FSTL5: variants seen among roughly 807,000 people sequenced by gnomAD.
The protein encoded by FSTL5 is follistatin like 5, also known as follistatin-related protein 5.
Under a neutral mutation model 89.1 loss-of-function variants are expected in FSTL5, and 62 were observed. The observed-to-expected ratio is 0.70, with a 90% CI of 0.57 to 0.86. FSTL5 has a LOEUF of 0.86. Among genes scored for constraint, FSTL5 ranks in the 40% least tolerant of loss-of-function variants. FSTL5 has a pLI of 0.00. For missense variants in FSTL5, 1,057 were observed against 1,001.6 expected, an observed-to-expected ratio of 1.06 and a Z score of -0.75; for synonymous variants, 383 against 346.2, an observed-to-expected ratio of 1.11 and a Z score of -1.18.
At chr4:161,501,500 T>C (rs1467458497) in intron 11 of FSTL5, among the ~76,000 whole-genome samples, 1 of 152,010 alleles carries the variant, frequency 6.6e-6, no homozygotes, top group Non-Finnish European at 1.5e-5. Context: ...ATAGTGTGCA[T>C]ACAATTTTTC....
chr4:161,717,262 A>G (rs1739019902), intron 6 of FSTL5, among the ~76,000 whole-genome samples: 1 of 152,148 alleles, frequency 6.6e-6, no homozygotes, highest in African/African-American at 2.4e-5. Flanking sequence ...TCCTGAGCAA[A>G]TATTTAGACT....
At chr4:161,534,822 A>G (rs1367177273) in intron 10 of FSTL5, among the ~76,000 whole-genome samples, 1 of 152,144 alleles carries the variant, frequency 6.6e-6, no homozygotes, top group African/African-American at 2.4e-5. Context: ...ACTTCACACT[A>G]TACTACAGGG....
intron 6 of FSTL5, among the ~76,000 whole-genome samples, chr4:161,747,605 G>A (rs1198386357): frequency 6.6e-6 from 1 of 152,144 alleles, no homozygotes; most frequent in Non-Finnish European, 1.5e-5. Context: ...GATGCTATTT[G>A]TTTGTCCCAT....
intron 2 of FSTL5, among the ~76,000 whole-genome samples, chr4:162,099,751 A>C (rs1730913444): frequency 6.6e-6 from 1 of 152,246 alleles, no homozygotes; most frequent in African/African-American, 2.4e-5. Flanking sequence ...ACCCAATTAT[A>C]AAATGGGCAA....
chr4:161,399,722 CAAA>C (rs1731123019), intron 15 of FSTL5, among the ~76,000 whole-genome samples: 1 of 152,034 alleles, frequency 6.6e-6, no homozygotes, highest in Non-Finnish European at 1.5e-5. Flanking sequence ...TACTGTGATA[CAAA>C]ATTTAATAGA....
At chr4:161,871,665 G>C (rs762245617) in intron 4 of FSTL5, among the ~76,000 whole-genome samples, 16 of 152,102 alleles carry the variant, frequency 1.1e-4, no homozygotes, top group Non-Finnish European at 2.2e-4. Flanking sequence ...ATGCTTGTTT[G>C]ATCAAAGGCT....
chr4:161,709,548 C>T (rs975273326), intron 6 of FSTL5, among the ~76,000 whole-genome samples: 2 of 152,072 alleles, frequency 1.3e-5, no homozygotes, highest in Non-Finnish European at 2.9e-5. Flanking sequence ...CAACTATAAT[C>T]TCAGCATTTT....
intron 4 of FSTL5, among the ~76,000 whole-genome samples, chr4:161,844,234 C>T (rs1731299386): frequency 6.6e-6 from 1 of 151,746 alleles, no homozygotes; most frequent in Admixed American, 6.6e-5. Context: ...ATCAAAATGT[C>T]ATACAATCTC....
chr4:161,959,565 C>G (rs969115369), intron 3 of FSTL5, among the ~76,000 whole-genome samples: 13 of 151,986 alleles, frequency 8.6e-5, no homozygotes, highest in African/African-American at 3.1e-4. Flanking sequence ...GATAGCAGGA[C>G]ATTTAGTCAT....
chr4:162,140,000 C>T (rs1561040751), intron 1 of FSTL5, among the ~76,000 whole-genome samples: 3 of 151,882 alleles, frequency 2.0e-5, no homozygotes, highest in African/African-American at 2.4e-5. Flanking sequence ...AAAAAGAAAA[C>T]GGTAAAAGAA....
intron 4 of FSTL5, among the ~76,000 whole-genome samples, chr4:161,798,228 C>A (rs1024089690): frequency 2.6e-5 from 4 of 151,672 alleles, no homozygotes; most frequent in African/African-American, 9.7e-5. Context: ...ATCTATGCTA[C>A]TTTCCAGCTT....
chr4:161,714,690 A>C (rs1193030786), intron 6 of FSTL5, among the ~76,000 whole-genome samples: 1 of 152,218 alleles, frequency 6.6e-6, no homozygotes, highest in African/African-American at 2.4e-5. Context: ...AGAAGCAAAC[A>C]GAAAAATACC....
chr4:161,853,514 T>C (rs1731626515), intron 4 of FSTL5, among the ~76,000 whole-genome samples: 1 of 151,762 alleles, frequency 6.6e-6, no homozygotes. Flanking sequence ...GTGATACACC[T>C]GCCTCGGCCT....
At chr4:161,998,856 C>T (rs938497783) in intron 3 of FSTL5, among the ~76,000 whole-genome samples, 2 of 80,714 alleles carry the variant, frequency 2.5e-5, no homozygotes, top group African/African-American at 5.2e-5. Flanking sequence ...AACACACACA[C>T]AACACACACA....
At chr4:161,647,332 G>T (rs1208145108) in intron 7 of FSTL5, among the ~76,000 whole-genome samples, 1 of 152,058 alleles carries the variant, frequency 6.6e-6, no homozygotes, top group Non-Finnish European at 1.5e-5. Flanking sequence ...CGTGTATATT[G>T]TTCCATAGGT....
intron 10 of FSTL5, among the ~76,000 whole-genome samples, chr4:161,511,290 G>A (rs1730644131): frequency 6.6e-6 from 1 of 152,040 alleles, no homozygotes; most frequent in Non-Finnish European, 1.5e-5. Context: ...ATGTTTTAGA[G>A]CCAAGAATGA....
At chr4:161,481,692 A>G (rs1183579011) in intron 12 of FSTL5, among the ~76,000 whole-genome samples, 4 of 152,312 alleles carry the variant, frequency 2.6e-5, no homozygotes, top group Non-Finnish European at 5.9e-5. Context: ...CACAATGGTT[A>G]TTTTATTTTT....
chr4:161,695,065 T>A (rs1422481825), intron 6 of FSTL5, among the ~76,000 whole-genome samples: 1 of 152,120 alleles, frequency 6.6e-6, no homozygotes, highest in Non-Finnish European at 1.5e-5. Context: ...TTTCTTTTTC[T>A]GTATTTCCAT....
intron 12 of FSTL5, among the ~76,000 whole-genome samples, chr4:161,498,266 T>C (rs931081167): frequency 3.3e-5 from 5 of 152,110 alleles, no homozygotes; most frequent in Non-Finnish European, 7.4e-5. Context: ...AGGTAAATAA[T>C]GCTCACATCC....
Sources: gnomAD v4.1 joint callset for allele counts (sites outside exome capture counted in the v4.1 genomes callset) on GRCh38, gnomAD v4.1.1 for gene constraint, MANE v1.5 for transcripts, NCBI Gene and HGNC (gene_info 2026-07-23, HGNC 2026-07-21) for gene names.